The following VPS52 variants were observed in gnomAD, a reference collection of about 807,000 sequenced individuals.
VPS52 encodes the protein vacuolar protein sorting-associated protein 52 homolog.
A neutral mutation model predicts 98.7 loss-of-function variants in VPS52; 56 were observed. The observed-to-expected ratio is 0.57, with a 90% confidence interval of 0.46 to 0.71. The LOEUF (loss-of-function observed/expected upper bound fraction) is 0.71. VPS52 is among the 30% of genes least tolerant of loss of function. VPS52 has a pLI of 0.00. For synonymous variants in VPS52, 348 were observed against 346.4 expected (o/e 1.00, Z -0.05); for missense variants, 742 against 925.9 (o/e 0.80, Z 2.58).
At chr6:33,260,619 C>T (rs184358342) in intron 17 of VPS52, among the ~76,000 whole-genome samples, 8 of 152,196 alleles carry the variant, frequency 5.3e-5, no homozygotes, top group Non-Finnish European at 1.2e-4. Flanking sequence ...TTGCTTTTTT[C>T]CCCCTTTTTT....
At chr6:33,263,662 G>A in intron 16 of VPS52, 110 bp downstream of exon 16, 1 of 1,579,234 alleles carries the variant, frequency 6.3e-7, no homozygotes, top group Non-Finnish European at 8.7e-7. Context: ...CAGACTCCAA[G>A]AGTAAAACAC....
intron 1 of VPS52, chr6:33,271,019 G>A (rs1413756621): frequency 5.4e-6 from 1 of 184,668 alleles, no homozygotes; most frequent in African/African-American, 2.4e-5. Flanking sequence ...AATTGCAGAG[G>A]ATAGAGCAGA....
chr6:33,267,041 G>A lies in VPS52; in HGVS notation c.1125+147C>T. Reference sequence around the variant, plus strand: ...TCCCAGCTCTTTTCACATCACAGCAGGCTGGAGTGATTGGAGAAGGCCACT... The same window carrying A: ...TCCCAGCTCTTTTCACATCACAGCAAGCTGGAGTGATTGGAGAAGGCCACT... On this transcript the variant is annotated intron_variant, in intron 11 of 19. Coordinates refer to ENST00000445902, the MANE Select transcript of VPS52 (RefSeq NM_022553.6). This position sits in a 1 kb window ranked among gnomAD's most constrained non-coding sequence, Gnocchi z 4.2. The A allele has an allele frequency of 8.5e-7, 1 of 1,178,572 alleles. No homozygotes were observed. Among genetic ancestry groups the A allele is most frequent in the South Asian group, 2.2e-5 (1 of 45,710 alleles). The allele number at this position is 1,178,572 out of a possible 1,614,324, so 73.0% of individuals were successfully genotyped here. A position where few individuals can be genotyped will look rare whatever the true frequency, so the allele number is the denominator to read the frequency against.
chr6:33,268,876 G>C lies in VPS52; in HGVS notation c.548+138C>G. On this transcript the variant is annotated intron_variant, in intron 6 of 19. Coordinates refer to ENST00000445902, the MANE Select transcript of VPS52 (RefSeq NM_022553.6). This position sits in a 1 kb window ranked among gnomAD's most constrained non-coding sequence, Gnocchi z 4.0. ...CTTTGATGCCTAATGCATACCTAAA[G>C]AAATGGTGGTTAACCTGGCTACTAA... 2 of 1,227,756 alleles carry C rather than the reference G, an allele frequency of 1.6e-6. No individual in the cohort carries two copies. The highest frequency in any genetic ancestry group is 1.1e-6 in the Non-Finnish European group (1 of 886,978). 76.1% of individuals were successfully genotyped at this position (1,227,756 alleles called of 1,614,324 possible). A position where few individuals can be genotyped will look rare whatever the true frequency, so the allele number is the denominator to read the frequency against.
At chr6:33,251,742 G>C (rs138562902) in intron 18 of VPS52, 106 bp from the exon 19 acceptor site, 851 of 1,409,834 alleles carry the variant, frequency 6.0e-4, no homozygotes, top group Non-Finnish European at 8.3e-4. Context: ...CTCTTTTCTG[G>C]TATTCTCTCA....
At chr6:33,256,282 A>G (rs979220841) in intron 17 of VPS52, among the ~76,000 whole-genome samples, 1 of 151,592 alleles carries the variant, frequency 6.6e-6, no homozygotes, top group Non-Finnish European at 1.5e-5. Flanking sequence ...CAAAAAATTA[A>G]ATTTTTAAAT....
chr6:33,270,354 C>T (rs1176581156), intron 1 of VPS52, 71 bp from the exon 2 acceptor site: 1 of 1,426,674 alleles, frequency 7.0e-7, no homozygotes, highest in Non-Finnish European at 9.7e-7. Flanking sequence ...TTGGATATCC[C>T]CAGTCCTTCA....
intron 19 of VPS52, among the ~76,000 whole-genome samples, 191 bp downstream of exon 19, chr6:33,251,327 G>A (rs532058834): frequency 6.6e-5 from 10 of 151,544 alleles, no homozygotes; most frequent in South Asian, 4.2e-4. Context: ...GGACAACAGA[G>A]CTAGACTCTG....
chr6:33,267,352 G>A lies in VPS52; in HGVS notation c.992-31C>T. ...ATGGGTCAGAGTCAGGGAAAACAAT[G>A]AGACCATAACTGGGCCCAAAGACTC... On this transcript the variant is annotated intron_variant, in intron 10 of 19. Coordinates refer to ENST00000445902, the MANE Select transcript of VPS52 (RefSeq NM_022553.6). This position sits in a 1 kb window ranked among gnomAD's most constrained non-coding sequence, Gnocchi z 4.2. 1 of 1,545,810 alleles carries A rather than the reference G, an allele frequency of 6.5e-7. No individual in the cohort carries two copies. The highest frequency in any genetic ancestry group is 8.7e-7 in the Non-Finnish European group (1 of 1,146,050).
In VPS52 at chr6:33,267,161, G is replaced by A. The variant is rs181478643; in HGVS notation, c.1125+27C>T. On this transcript the variant is annotated intron_variant, in intron 11 of 19. Coordinates refer to ENST00000445902, the MANE Select transcript of VPS52 (RefSeq NM_022553.6). The surrounding 1 kb of genome is among the most constrained non-coding windows in gnomAD (Gnocchi z 4.2). ...CCCCACCGTGCTCAGAGCCTCTTTC[G>A]TGACTGAAGCTTGTTCCTCCTCATA... 2.0e-5 allele frequency: 30 copies of A among 1,464,096 alleles called. No individual in the cohort carries two copies. The Admixed American group carries it at 4.9e-4, about 24-fold the overall frequency. 90.7% of individuals were successfully genotyped at this position (1,464,096 alleles called of 1,614,324 possible).
chr6:33,265,861 G>A (rs903361221), intron 12 of VPS52, among the ~76,000 whole-genome samples: 2 of 151,904 alleles, frequency 1.3e-5, no homozygotes, highest in Non-Finnish European at 2.9e-5. Flanking sequence ...ACTGTGACAA[G>A]TCTAAGTAAC....
chr6:33,271,793 G>A lies in VPS52; in HGVS notation c.-118C>T, dbSNP rs1765137634. On this transcript the variant is annotated 5_prime_UTR_variant, in exon 1 of 20. Coordinates refer to ENST00000445902, the MANE Select transcript of VPS52 (RefSeq NM_022553.6). ...AATCGTTCCCAGATATTTGAGTTAA[G>A]TTGTTTGACTCCAGCTGTCCCCTTT... 1 of 1,463,354 alleles carries A rather than the reference G, an allele frequency of 6.8e-7. No homozygotes were observed. The highest frequency in any genetic ancestry group is 2.5e-5 in the Admixed American group (1 of 39,640). 90.6% of individuals were successfully genotyped at this position (1,463,354 alleles called of 1,614,324 possible). A position where few individuals can be genotyped will look rare whatever the true frequency, so the allele number is the denominator to read the frequency against.
intron 17 of VPS52, 87 bp downstream of exon 17, chr6:33,263,397 A>ACCCACACACACACACT: frequency 8.4e-7 from 1 of 1,190,930 alleles, no homozygotes; most frequent in Non-Finnish European, 1.2e-6. Flanking sequence ...ACACACACAC[A>ACCCACACACACACACT]CACACACACA....
chr6:33,266,652 C>A lies in VPS52; in HGVS notation c.1186G>T (p.Glu396Ter). 6.2e-7 allele frequency: 1 copy of A among 1,612,786 alleles called. No individual in the cohort carries two copies. The highest frequency in any genetic ancestry group is 8.5e-7 in the Non-Finnish European group (1 of 1,179,958). The change falls in exon 12 of 20, where the codon GAA becomes TAA. Residue 396 changes from glutamate (E) to a stop codon, truncating the protein, a stop_gained. Transcript: ENST00000445902. LOFTEE classifies it high-confidence loss of function. ...HYALLDNSCR[E>*]YLFICEFFVV... is the part of the protein sequence containing the mutation. ...AAAAATTCACAGATGAAAAGGTATT[C>A]GCGGCAGGAATTGTCTAGGAGGGCG...
intron 13 of VPS52, 79 bp from the exon 14 acceptor site, chr6:33,264,576 T>A: frequency 6.3e-7 from 1 of 1,592,904 alleles, no homozygotes; most frequent in Non-Finnish European, 8.6e-7. Flanking sequence ...CATCATTCAG[T>A]TTAATGGTCA....
intron 17 of VPS52, among the ~76,000 whole-genome samples, chr6:33,258,688 C>A (rs1178410120): frequency 6.6e-6 from 1 of 152,100 alleles, no homozygotes; most frequent in African/African-American, 2.4e-5. Context: ...AGGTTCAGCG[C>A]CCCTGAGGAG....
At position 33,270,985 on chromosome 6, in the gene VPS52, G is replaced by C. The variant is rs192192872; in HGVS notation, c.90+601C>G. On this transcript the variant is annotated intron_variant, in intron 1 of 19. Coordinates refer to ENST00000445902, the MANE Select transcript of VPS52 (RefSeq NM_022553.6). ...AAAAAAAAAAAAAAAGTGCAGTGGAGATGACCGAATGAGGAAAGCTAGGAA... is the reference window on the plus strand; with the variant it reads ...AAAAAAAAAAAAAAAGTGCAGTGGACATGACCGAATGAGGAAAGCTAGGAA... Among the ~76,000 whole-genome samples the C allele has an allele frequency of 7.7e-3, 1,161 of 150,378 alleles. 16 individuals carry two copies. Among genetic ancestry groups the C allele is most frequent in the Middle Eastern group, 0.038 (11 of 286 alleles).
chr6:33,260,522 C>G (rs1764786225), intron 17 of VPS52, among the ~76,000 whole-genome samples: 1 of 152,142 alleles, frequency 6.6e-6, no homozygotes, highest in Admixed American at 6.5e-5. Context: ...CAAAAGTCAC[C>G]ATCAAACTAT....
Position 33,271,786 on chromosome 6 carries a change from G to C in VPS52, c.-111C>G. 1 of 1,467,004 alleles carries C rather than the reference G, an allele frequency of 6.8e-7. No homozygotes were observed. Among genetic ancestry groups the C allele is most frequent in the Non-Finnish European group, 9.0e-7 (1 of 1,108,596 alleles). The allele number at this position is 1,467,004 out of a possible 1,614,324, so 90.9% of individuals were successfully genotyped here. ...AGCGCGAAATCGTTCCCAGATATTT[G>C]AGTTAAGTTGTTTGACTCCAGCTGT... On this transcript the variant is annotated 5_prime_UTR_variant, in exon 1 of 20. Coordinates refer to ENST00000445902, the MANE Select transcript of VPS52 (RefSeq NM_022553.6).
Sources: gnomAD v4.1 joint callset for allele counts (sites outside exome capture counted in the v4.1 genomes callset) on GRCh38, gnomAD v4.1.1 for gene constraint, Gnocchi (gnomAD v3.1) non-coding constraint, MANE v1.5 for transcripts, NCBI Gene and HGNC (gene_info 2026-07-23, HGNC 2026-07-21) for gene names.